Variants in DNAJC13 observed in about 807,000 individuals in gnomAD.
DNAJC13 encodes dnaJ homolog subfamily C member 13.
Under a neutral mutation model 290.5 loss-of-function variants are expected in DNAJC13, and 75 were observed. The ratio of observed to expected loss-of-function variants is 0.26; its 90% CI spans 0.21 to 0.31. The LOEUF (loss-of-function observed/expected upper bound fraction) is 0.31. Ranked by LOEUF, DNAJC13 falls within the 10% of genes least tolerant of loss-of-function variation. The probability of loss-of-function intolerance (pLI) is 1.00; values close to 1 mark genes in which losing one functional copy is unlikely to be tolerated. For synonymous variants in DNAJC13, 862 were observed against 892.0 expected (o/e 0.97, Z 0.60); for missense variants, 2,260 against 2,674.5 (o/e 0.85, Z 3.42).
At chr3:132,486,688 A>G (rs1934889575) in intron 29 of DNAJC13, among the ~76,000 whole-genome samples, 2 of 151,990 alleles carry the variant, frequency 1.3e-5, no homozygotes, top group African/African-American at 4.8e-5. Flanking sequence ...GCCAAAGCAC[A>G]GTTAGGTGGC....
chr3:132,525,981 A>G (rs1936243816), intron 52 of DNAJC13, among the ~76,000 whole-genome samples, 160 bp from the exon 53 acceptor site: 1 of 152,210 alleles, frequency 6.6e-6, no homozygotes, highest in Non-Finnish European at 1.5e-5. Context: ...GATAAATACC[A>G]GTTTAGGTGA....
intron 55 of DNAJC13, among the ~76,000 whole-genome samples, chr3:132,533,258 C>T (rs1366278311): frequency 6.6e-6 from 1 of 151,446 alleles, no homozygotes; most frequent in African/African-American, 2.4e-5. Flanking sequence ...TCTCAAACTC[C>T]TGACTTCAGG....
At chr3:132,458,053 A>T (rs765198361) in intron 13 of DNAJC13, 2 of 152,194 alleles carry the variant, frequency 1.3e-5, no homozygotes, top group Non-Finnish European at 2.9e-5. Flanking sequence ...TAGTATGTGG[A>T]GAATAGAAGT....
At position 132,496,631 on chromosome 3, in the gene DNAJC13, C is replaced by T. The variant is rs1935242202; in HGVS notation, c.4124C>T (p.Thr1375Ile). 1.9e-6 allele frequency: 3 copies of T among 1,610,704 alleles called. No individual in the cohort carries two copies. The highest frequency in any genetic ancestry group is 2.5e-6 in the Non-Finnish European group (3 of 1,178,662). The change falls in exon 36 of 56, where the codon ACA becomes ATA. Residue 1375 changes from threonine (T) to isoleucine (I), a missense_variant. By Grantham distance (89) the Thr-to-Ile change is moderately conservative. Coordinates refer to ENST00000260818, the MANE Select transcript of DNAJC13 (RefSeq NM_015268.4). ...DPENIILILK[T>I]QSILFNRHKE... ...GAGAATATAATTTTAATTCTAAAAA[C>T]ACAGAGCATCCTCTTCAACCGTCAT...
chr3:132,499,590 AC>A, intron 37 of DNAJC13, 143 bp from the exon 38 acceptor site: 1 of 754,168 alleles, frequency 1.3e-6, no homozygotes, highest in Admixed American at 2.6e-5. Context: ...TCCTTTGTTT[AC>A]TATTTATTAA....
intron 21 of DNAJC13, among the ~76,000 whole-genome samples, 163 bp from the exon 22 acceptor site, chr3:132,474,769 T>A (rs565197303): frequency 6.6e-6 from 1 of 150,802 alleles, no homozygotes; most frequent in Non-Finnish European, 1.5e-5. Flanking sequence ...CTCTACTTCC[T>A]TTACACAGAT....
chr3:132,507,593 C>G (rs1935636050), intron 43 of DNAJC13, among the ~76,000 whole-genome samples: 1 of 151,992 alleles, frequency 6.6e-6, no homozygotes, highest in South Asian at 2.1e-4. Flanking sequence ...TGGTAATTCT[C>G]TCAATATTTC....
chr3:132,504,409 T>G (rs549073592), intron 41 of DNAJC13, among the ~76,000 whole-genome samples: 22 of 152,072 alleles, frequency 1.4e-4, no homozygotes, highest in Non-Finnish European at 3.1e-4. Context: ...TTTCCTGGAC[T>G]TTTTGCTCAC....
At chr3:132,502,132 T>A (rs982130127) in intron 39 of DNAJC13, among the ~76,000 whole-genome samples, 157 bp from the exon 40 acceptor site, 3 of 152,156 alleles carry the variant, frequency 2.0e-5, no homozygotes, top group Admixed American at 2.0e-4. Flanking sequence ...GGATGTAGGA[T>A]TCAGATTTAA....
intron 51 of DNAJC13, 109 bp from the exon 52 acceptor site, chr3:132,525,501 G>A: frequency 9.2e-7 from 1 of 1,087,000 alleles, no homozygotes; most frequent in Non-Finnish European, 1.3e-6. Context: ...TCAAGTATCA[G>A]CACTTAGAAC....
rs750834264 is a variant in DNAJC13, at chr3:132,453,312, A to G, written c.552A>G (p.Ser184=). The G allele has an allele frequency of 6.2e-7, 1 of 1,613,250 alleles. No individual in the cohort carries two copies. Among genetic ancestry groups the G allele is most frequent in the Non-Finnish European group, 8.5e-7 (1 of 1,179,682 alleles). ...AATTTGTGCAGCATTTATTTGCGTC[A>G]GAGCAAAGAGAAGAGATTATTAAAA... is the stretch of plus-strand genomic sequence containing the variant. ...GGFSRLHLFA[S]EQREEIIKSA... The change falls in exon 7 of 56, where the codon TCA becomes TCG. Residue 184 remains serine, a synonymous_variant. Transcript: ENST00000260818.
chr3:132,426,149 C>T (rs185811104), intron 1 of DNAJC13, among the ~76,000 whole-genome samples: 11 of 152,270 alleles, frequency 7.2e-5, no homozygotes, highest in African/African-American at 2.2e-4. Context: ...AGAGGTGAAT[C>T]TAGCCAAAAT....
At chr3:132,525,495 G>T (rs1936226579) in intron 51 of DNAJC13, 115 bp from the exon 52 acceptor site, 1 of 1,020,470 alleles carries the variant, frequency 9.8e-7, no homozygotes, top group African/African-American at 1.6e-5. Context: ...CTGTTTTCAA[G>T]TATCAGCACT....
intron 29 of DNAJC13, among the ~76,000 whole-genome samples, chr3:132,485,165 T>C (rs992646948): frequency 6.6e-6 from 1 of 152,148 alleles, no homozygotes; most frequent in African/African-American, 2.4e-5. Flanking sequence ...TTTGAGACAG[T>C]CTTGCTCTGT....
intron 1 of DNAJC13, among the ~76,000 whole-genome samples, chr3:132,420,739 G>A (rs536335240): frequency 2.9e-4 from 44 of 152,158 alleles, no homozygotes; most frequent in African/African-American, 1.0e-3. Flanking sequence ...AATACACTGA[G>A]GATAACTATG....
At chr3:132,499,591 CTATT>C in intron 37 of DNAJC13, 139 bp from the exon 38 acceptor site, 1 of 755,266 alleles carries the variant, frequency 1.3e-6, no homozygotes, top group South Asian at 1.9e-5. Flanking sequence ...CCTTTGTTTA[CTATT>C]TATTAACAAA....
chr3:132,461,267 A>G, intron 15 of DNAJC13, 62 bp downstream of exon 15: 5 of 1,561,746 alleles, frequency 3.2e-6, no homozygotes, highest in Non-Finnish European at 4.4e-6. Flanking sequence ...TTTTAGGATC[A>G]CTGTTTCTAA....
intron 5 of DNAJC13, among the ~76,000 whole-genome samples, chr3:132,448,561 T>C (rs902670063): frequency 1.3e-5 from 2 of 152,172 alleles, no homozygotes; most frequent in East Asian, 3.8e-4. Flanking sequence ...TCTTGAGATA[T>C]TAAATTTCTT....
chr3:132,477,948 T>C, intron 23 of DNAJC13, 33 bp from the exon 24 acceptor site: 1 of 1,601,620 alleles, frequency 6.2e-7, no homozygotes, highest in Non-Finnish European at 8.5e-7. Flanking sequence ...TTCATGGCTA[T>C]TTCTATTGTG....
Sources: gnomAD v4.1 joint callset for allele counts (sites outside exome capture counted in the v4.1 genomes callset) on GRCh38, gnomAD v4.1.1 for gene constraint, MANE v1.5 for transcripts, NCBI Gene and HGNC (gene_info 2026-07-23, HGNC 2026-07-21) for gene names.